The following CFAP210 variants were observed in gnomAD, a reference collection of about 807,000 sequenced individuals.
The protein encoded by CFAP210 is cilia and flagella associated protein 210.
the CFAP210 span, among the ~76,000 whole-genome samples, chr2:169,684,094 T>C: frequency 2.6e-5 from 4 of 152,086 alleles, no homozygotes; most frequent in African/African-American, 9.7e-5. Context: ...TCTCATACAA[T>C]GTCAGTAGAG....
chr2:169,650,653 A>C, the CFAP210 span: 1 of 1,136,164 alleles, frequency 8.8e-7, no homozygotes. Flanking sequence ...TGCTCCTTAC[A>C]TATATTATTT....
the CFAP210 span, among the ~76,000 whole-genome samples, chr2:169,660,686 C>A: frequency 6.6e-6 from 1 of 151,560 alleles, no homozygotes; most frequent in Non-Finnish European, 1.5e-5. Flanking sequence ...TCACTGCAAC[C>A]TCCACTTAGG....
the CFAP210 span, among the ~76,000 whole-genome samples, chr2:169,692,016 A>G: frequency 6.6e-6 from 1 of 152,216 alleles, no homozygotes; most frequent in African/African-American, 2.4e-5. Context: ...TTACAACTCC[A>G]TCTTAGCCTC....
the CFAP210 span, chr2:169,646,185 AT>A: frequency 6.3e-7 from 1 of 1,594,940 alleles, no homozygotes; most frequent in Non-Finnish European, 8.5e-7. Context: ...TTTTTGGCCT[AT>A]TTGGGAAAGA....
At chr2:169,647,096 C>G in the CFAP210 span, among the ~76,000 whole-genome samples, 1 of 151,756 alleles carries the variant, frequency 6.6e-6, no homozygotes, top group Non-Finnish European at 1.5e-5. Context: ...TTGAGTGCTA[C>G]AATTCAAAAT....
chr2:169,645,794 C>T, the CFAP210 span: 1 of 1,182,936 alleles, frequency 8.5e-7, no homozygotes, highest in East Asian at 2.4e-5. Flanking sequence ...ATTTGAAGCT[C>T]ATATATGCTA....
the CFAP210 span, among the ~76,000 whole-genome samples, chr2:169,662,112 T>C: frequency 9.2e-5 from 14 of 152,244 alleles, no homozygotes; most frequent in African/African-American, 3.1e-4. Flanking sequence ...TGATAAATGT[T>C]CAAGGTGACA....
chr2:169,677,682 C>T, the CFAP210 span, among the ~76,000 whole-genome samples: 2 of 152,104 alleles, frequency 1.3e-5, no homozygotes, highest in East Asian at 3.9e-4. Flanking sequence ...ACCTTCACTA[C>T]ATTTATTCAA....
chr2:169,656,245 G>A, the CFAP210 span, among the ~76,000 whole-genome samples: 19 of 152,042 alleles, frequency 1.2e-4, no homozygotes, highest in Non-Finnish European at 2.4e-4. Flanking sequence ...AGCCAACATC[G>A]TGCCACTGCA....
the CFAP210 span, among the ~76,000 whole-genome samples, chr2:169,655,602 C>CAA: frequency 3.3e-5 from 5 of 151,828 alleles, no homozygotes; most frequent in African/African-American, 9.7e-5. Context: ...TTTTATAATA[C>CAA]AAAAAATACA....
the CFAP210 span, among the ~76,000 whole-genome samples, chr2:169,679,398 G>A: frequency 2.6e-5 from 4 of 150,982 alleles, no homozygotes; most frequent in East Asian, 2.0e-4. Context: ...TGCCAGTGTC[G>A]GCTGGGCGCA....
At chr2:169,654,529 ATAAG>A in the CFAP210 span, among the ~76,000 whole-genome samples, 1 of 152,168 alleles carries the variant, frequency 6.6e-6, no homozygotes, top group Non-Finnish European at 1.5e-5. Flanking sequence ...AATATAATCA[ATAAG>A]TAGGTGGGGG....
At chr2:169,671,768 G>T in the CFAP210 span, among the ~76,000 whole-genome samples, 1 of 152,232 alleles carries the variant, frequency 6.6e-6, no homozygotes, top group Non-Finnish European at 1.5e-5. Flanking sequence ...ACCGCGCCCA[G>T]CCGTGAACTT....
chr2:169,683,022 GA>G, the CFAP210 span, among the ~76,000 whole-genome samples: 1 of 152,120 alleles, frequency 6.6e-6, no homozygotes, highest in African/African-American at 2.4e-5. Context: ...GCAGAAGCAA[GA>G]AAATCACGTG....
At chr2:169,690,500 TA>T in the CFAP210 span, among the ~76,000 whole-genome samples, 6 of 152,024 alleles carry the variant, frequency 3.9e-5, no homozygotes, top group African/African-American at 1.4e-4. Flanking sequence ...CCATCTCTAC[TA>T]AAAGTACAAA....
At chr2:169,694,384 G>C in the CFAP210 span, 1 of 1,557,562 alleles carries the variant, frequency 6.4e-7, no homozygotes, top group Non-Finnish European at 8.8e-7. Context: ...ACGCCAGCCG[G>C]TGGAGTTGTT....
the CFAP210 span, chr2:169,662,168 G>A: frequency 3.6e-6 from 4 of 1,102,836 alleles, no homozygotes; most frequent in East Asian, 7.3e-5. Context: ...TGTATGCATG[G>A]GTCAAAATAC....
the CFAP210 span, among the ~76,000 whole-genome samples, chr2:169,675,686 C>T: frequency 2.0e-5 from 3 of 152,328 alleles, no homozygotes; most frequent in South Asian, 4.1e-4. Flanking sequence ...TGAATGGAGA[C>T]ACACATCCAA....
At chr2:169,684,387 C>T in the CFAP210 span, among the ~76,000 whole-genome samples, 11 of 152,186 alleles carry the variant, frequency 7.2e-5, no homozygotes, top group African/African-American at 2.7e-4. Flanking sequence ...ACTGTCAAAG[C>T]TGGGCAACTA....
Sources: gnomAD v4.1 joint callset for allele counts (sites outside exome capture counted in the v4.1 genomes callset) on GRCh38, gnomAD v4.1.1 for gene constraint, MANE v1.5 for transcripts, NCBI Gene and HGNC (gene_info 2026-07-23, HGNC 2026-07-21) for gene names.